The following ANKRD13C variants were observed in gnomAD, a reference collection of about 807,000 sequenced individuals.
The protein encoded by ANKRD13C is ankyrin repeat domain 13C.
Under a neutral mutation model 65.5 loss-of-function variants are expected in ANKRD13C, and 16 were observed. That is an observed-to-expected ratio of 0.24 (90% CI 0.17 to 0.37). The LOEUF is 0.37. Ranked by LOEUF, ANKRD13C falls within the 10% of genes least tolerant of loss-of-function variation. The probability of loss-of-function intolerance (pLI) is 1.00; values close to 1 mark genes in which losing one functional copy is unlikely to be tolerated. For synonymous variants in ANKRD13C, 235 were observed against 238.7 expected (o/e 0.98, Z 0.14); for missense variants, 503 against 655.9 (o/e 0.77, Z 2.55).
intron 1 of ANKRD13C, among the ~76,000 whole-genome samples, chr1:70,344,865 G>T (rs2065701913): frequency 6.6e-6 from 1 of 151,480 alleles, no homozygotes; most frequent in Non-Finnish European, 1.5e-5. Flanking sequence ...ATTAATTTTA[G>T]AACTATAATA....
At chr1:70,325,988 T>C (rs1681520423) in intron 2 of ANKRD13C, among the ~76,000 whole-genome samples, 1 of 151,808 alleles carries the variant, frequency 6.6e-6, no homozygotes, top group African/African-American at 2.4e-5. Context: ...TCCCAACACT[T>C]TGGGAGGCTG....
rs1348626390 is a variant in ANKRD13C at position 70,261,018 on chromosome 1, T to G, written c.*1699A>C. 1 of 152,100 alleles carries G rather than the reference T, an allele frequency of 6.6e-6. No homozygotes were observed. Among genetic ancestry groups the G allele is most frequent in the African/African-American group, 2.4e-5 (1 of 41,436 alleles). 9.4% of individuals were successfully genotyped at this position (152,100 alleles called of 1,614,324 possible). A position where few individuals can be genotyped will look rare whatever the true frequency, so the allele number is the denominator to read the frequency against. On this transcript the variant is annotated 3_prime_UTR_variant, in exon 13 of 13. Transcript: ENST00000370944. ...CCCATGTAACCACTGATAGGATAATTCAGTCTCTAAGTCATTTGATCTACC... is the reference window on the plus strand; with the variant it reads ...CCCATGTAACCACTGATAGGATAATGCAGTCTCTAAGTCATTTGATCTACC...
intron 12 of ANKRD13C, among the ~76,000 whole-genome samples, chr1:70,263,227 C>T (rs1334718634): frequency 6.6e-6 from 1 of 151,960 alleles, no homozygotes; most frequent in Non-Finnish European, 1.5e-5. Flanking sequence ...ATTTACTATT[C>T]TGACTCTTTG....
At chr1:70,333,089 T>G in intron 2 of ANKRD13C, among the ~76,000 whole-genome samples, 1 of 152,180 alleles carries the variant, frequency 6.6e-6, no homozygotes, top group East Asian at 1.9e-4. Context: ...ACCATTAAAA[T>G]AGATTTTAGA....
At chr1:70,352,732 C>T (rs1682800474) in intron 1 of ANKRD13C, among the ~76,000 whole-genome samples, 1 of 152,140 alleles carries the variant, frequency 6.6e-6, no homozygotes, top group South Asian at 2.1e-4. Flanking sequence ...ACAACATTAT[C>T]CTTGTACTAT....
At chr1:70,315,871 C>A (rs1681051662) in intron 3 of ANKRD13C, among the ~76,000 whole-genome samples, 1 of 152,082 alleles carries the variant, frequency 6.6e-6, no homozygotes, top group Non-Finnish European at 1.5e-5. Context: ...CTGGTATGAT[C>A]CCCAAAGAAT....
At chr1:70,292,974 A>G (rs1162048089) in intron 8 of ANKRD13C, among the ~76,000 whole-genome samples, 1 of 152,208 alleles carries the variant, frequency 6.6e-6, no homozygotes, top group Non-Finnish European at 1.5e-5. Context: ...AAAAAAGTGG[A>G]ATAAAAAGAA....
intron 11 of ANKRD13C, among the ~76,000 whole-genome samples, chr1:70,272,321 G>T (rs1178364788): frequency 6.6e-6 from 1 of 151,792 alleles, no homozygotes; most frequent in Non-Finnish European, 1.5e-5. Context: ...CGCCTCCCGG[G>T]TTCAAGTGAT....
chr1:70,268,176 G>C (rs4650035), intron 12 of ANKRD13C, among the ~76,000 whole-genome samples: 25,888 of 149,684 alleles, frequency 0.17, 3,158 homozygotes, highest in African/African-American at 0.35. Context: ...TAGCTTCCCC[G>C]CCCCCACCTT....
chr1:70,277,616 A>G (rs577088224), intron 9 of ANKRD13C, among the ~76,000 whole-genome samples: 2 of 152,268 alleles, frequency 1.3e-5, no homozygotes, highest in South Asian at 2.1e-4. Context: ...AAAAGATAGC[A>G]ATCTTCTGTG....
chr1:70,321,651 G>A (rs1233244443), intron 3 of ANKRD13C, among the ~76,000 whole-genome samples: 1 of 152,098 alleles, frequency 6.6e-6, no homozygotes, highest in African/African-American at 2.4e-5. Flanking sequence ...ATGGGTGAGG[G>A]ATAAATTGTG....
At chr1:70,329,847 CTT>C in intron 2 of ANKRD13C, among the ~76,000 whole-genome samples, 1 of 151,988 alleles carries the variant, frequency 6.6e-6, no homozygotes, top group African/African-American at 2.4e-5. Context: ...AATCCCAGCA[CTT>C]TGAGAGGCTG....
intron 9 of ANKRD13C, among the ~76,000 whole-genome samples, chr1:70,281,712 T>C (rs1025371559): frequency 5.3e-5 from 8 of 151,758 alleles, no homozygotes; most frequent in African/African-American, 1.7e-4. Context: ...GGTTAAATTC[T>C]AACCAATGGA....
At chr1:70,297,068 T>C (rs1055527687) in intron 7 of ANKRD13C, among the ~76,000 whole-genome samples, 1 of 152,062 alleles carries the variant, frequency 6.6e-6, no homozygotes, top group Non-Finnish European at 1.5e-5. Context: ...TGAGATTCTA[T>C]TCCATAATAG....
rs1678337810 is a variant in ANKRD13C at position 70,260,081 on chromosome 1, G to T, written c.*2636C>A. Among the ~76,000 whole-genome samples the T allele has an allele frequency of 6.6e-6, 1 of 152,036 alleles. No homozygotes were observed. The highest frequency in any genetic ancestry group is 6.6e-5 in the Admixed American group (1 of 15,256). Reference sequence around the variant, plus strand: ...CTACTATAAAAACCCATTTTTATTAGCATGAGTGGGGCTTAATTCCAGTTC... The same window carrying T: ...CTACTATAAAAACCCATTTTTATTATCATGAGTGGGGCTTAATTCCAGTTC... On this transcript the variant is annotated 3_prime_UTR_variant, in exon 13 of 13. Coordinates refer to ENST00000370944, the MANE Select transcript of ANKRD13C (RefSeq NM_030816.5).
intron 1 of ANKRD13C, among the ~76,000 whole-genome samples, chr1:70,347,793 T>C (rs898690060): frequency 3.3e-5 from 5 of 152,068 alleles, no homozygotes; most frequent in African/African-American, 1.2e-4. Context: ...ATCAACTAAA[T>C]CAACCCTGAT....
intron 11 of ANKRD13C, among the ~76,000 whole-genome samples, chr1:70,273,340 G>A (rs371860893): frequency 6.6e-6 from 1 of 152,092 alleles, no homozygotes; most frequent in Non-Finnish European, 1.5e-5. Flanking sequence ...AGAGAAAATC[G>A]CCCAGTGCTT....
intron 8 of ANKRD13C, among the ~76,000 whole-genome samples, chr1:70,293,282 T>C (rs1384157038): frequency 6.6e-6 from 1 of 151,716 alleles, no homozygotes; most frequent in African/African-American, 2.4e-5. Context: ...AATACCTTAC[T>C]TAAAAAAAAA....
intron 12 of ANKRD13C, among the ~76,000 whole-genome samples, chr1:70,264,475 CAAAAAAAAAAAA>C (rs57312096): frequency 8.6e-4 from 42 of 48,954 alleles, no homozygotes; most frequent in African/African-American, 2.4e-3. Context: ...GACTCTATCT[CAAAAAAAAAAAA>C]AAAAAAAAAA....
Sources: gnomAD v4.1 joint callset for allele counts (sites outside exome capture counted in the v4.1 genomes callset) on GRCh38, gnomAD v4.1.1 for gene constraint, MANE v1.5 for transcripts, NCBI Gene and HGNC (gene_info 2026-07-23, HGNC 2026-07-21) for gene names.